Variants in PHEX observed in about 807,000 individuals in gnomAD.
PHEX encodes the protein phosphate-regulating neutral endopeptidase PHEX.
In PHEX, 16 loss-of-function variants were observed where a neutral mutation model predicts 68.0. The observed-to-expected ratio is 0.24, with a 90% CI of 0.16 to 0.36. The LOEUF (loss-of-function observed/expected upper bound fraction) is 0.36, where lower values mean the gene tolerates loss of function less well. Ranked by LOEUF, PHEX falls within the 10% of genes least tolerant of loss-of-function variation. The pLI, the probability that PHEX is intolerant of heterozygous loss-of-function variation, is 1.00. For synonymous variants in PHEX, 208 were observed against 205.1 expected (o/e 1.01, Z -0.12); for missense variants, 480 against 575.5 (o/e 0.83, Z 1.70).
At chrX:22,128,601 T>C (rs1405548919) in intron 11 of PHEX, among the ~76,000 whole-genome samples, 2 of 111,666 alleles carry the variant, frequency 1.8e-5, no homozygotes, top group African/African-American at 6.5e-5. Context: ...TTGCTGAAGA[T>C]CTTTTTAGCT....
chrX:22,146,938 A>T (rs1218947526), intron 12 of PHEX, among the ~76,000 whole-genome samples: 1 of 112,120 alleles, frequency 8.9e-6, no homozygotes, highest in Non-Finnish European at 1.9e-5. Context: ...TAGTTTAAAC[A>T]TGTACTGTAA....
At chrX:22,190,584 A>T (rs187525691) in intron 15 of PHEX, 82 bp downstream of exon 15, 23 of 667,742 alleles carry the variant, frequency 3.4e-5, no homozygotes, top group Admixed American at 1.8e-4. Context: ...AGGGTAAGAC[A>T]TTTCTTATTT....
intron 3 of PHEX, among the ~76,000 whole-genome samples, chrX:22,058,603 C>T (rs1234573740): frequency 4.5e-5 from 5 of 112,096 alleles, no homozygotes; most frequent in African/African-American, 1.6e-4. Flanking sequence ...CTTGCATTGC[C>T]AGACCTTGGT....
At position 22,248,873 on chromosome X, in the gene PHEX, A is replaced by C. The variant is rs192770679; in HGVS notation, c.*920A>C. 1 of 111,564 alleles carries C rather than the reference A, an allele frequency of 9.0e-6. No homozygotes were observed. Among genetic ancestry groups the C allele is most frequent in the African/African-American group, 3.3e-5 (1 of 30,720 alleles). The allele number at this position is 111,564 out of a possible 1,213,427, so 9.2% of individuals were successfully genotyped here. Reference sequence around the variant, plus strand: ...GCATTGTACTGGTTTTGAAATGAGCAGACATTGAGAAAACAATTTTCTGAT... The same window carrying C: ...GCATTGTACTGGTTTTGAAATGAGCCGACATTGAGAAAACAATTTTCTGAT... On this transcript the variant is annotated 3_prime_UTR_variant, in exon 22 of 22. Transcript: ENST00000379374.
Position 22,077,672 on chromosome X carries a change from T to C in PHEX, c.633T>C (p.Asp211=), listed in dbSNP as rs372618065. 1.7e-6 allele frequency: 2 copies of C among 1,205,608 alleles called. No individual in the cohort carries two copies. The highest frequency in any genetic ancestry group is 2.3e-4 in the Middle Eastern group (1 of 4,336). ...TCATCCGTTTGTATGTGTCCCCTGA[T>C]GACAAAGCATCCAATGAACATATCT... is the stretch of plus-strand genomic sequence containing the variant. The part of the protein sequence containing the change: ...SVFIRLYVSP[D]DKASNEHILK... The change falls in exon 5 of 22, where the codon GAT becomes GAC. Residue 211 remains aspartate (D), a synonymous_variant. Transcript: ENST00000379374.
intron 5 of PHEX, among the ~76,000 whole-genome samples, chrX:22,087,700 C>G (rs2147032485): frequency 9.0e-6 from 1 of 111,518 alleles, no homozygotes; most frequent in East Asian, 2.8e-4. Context: ...ATGTAGGATT[C>G]AGTTTTTATT....
intron 11 of PHEX, among the ~76,000 whole-genome samples, chrX:22,131,253 C>A (rs1042958667): frequency 6.3e-5 from 7 of 110,815 alleles, no homozygotes; most frequent in Non-Finnish European, 1.1e-4. Flanking sequence ...GTTGGCCAGG[C>A]TGGTCTCGAA....
chrX:22,154,727 A>G lies in PHEX; in HGVS notation c.1405-13585A>G, dbSNP rs755904631. Among the ~76,000 whole-genome samples the G allele has an allele frequency of 2.7e-5, 3 of 111,858 alleles. No individual in the cohort carries two copies. In the South Asian group the frequency reaches 1.1e-3, roughly 43 times the overall value. On this transcript the variant is annotated intron_variant, in intron 12 of 21. Transcript: ENST00000379374. ...AGAAGCATTCTAACTCAAGAGATGT[A>G]GCATTGTCCCACAAATTTGTGTTTT...
At chrX:22,231,959 G>A (rs1387296297) in intron 20 of PHEX, among the ~76,000 whole-genome samples, 1 of 111,446 alleles carries the variant, frequency 9.0e-6, no homozygotes, top group Non-Finnish European at 1.9e-5. Flanking sequence ...AGAGATTCTG[G>A]TACATTGTGT....
At chrX:22,200,411 C>G (rs1200698822) in intron 15 of PHEX, among the ~76,000 whole-genome samples, 1 of 111,141 alleles carries the variant, frequency 9.0e-6, no homozygotes, top group East Asian at 2.8e-4. Flanking sequence ...GAGTTTAAGA[C>G]CAGCCTGGCC....
chrX:22,181,462 A>C (rs773821440), intron 14 of PHEX, among the ~76,000 whole-genome samples: 1 of 111,982 alleles, frequency 8.9e-6, no homozygotes, highest in East Asian at 2.8e-4. Context: ...TGCCAATATC[A>C]TGCCATTTTG....
intron 12 of PHEX, among the ~76,000 whole-genome samples, chrX:22,140,483 A>C (rs907869606): frequency 9.1e-6 from 1 of 110,423 alleles, no homozygotes; most frequent in Non-Finnish European, 1.9e-5. Flanking sequence ...ATTTTATTTT[A>C]TTTATTTATT....
intron 14 of PHEX, among the ~76,000 whole-genome samples, chrX:22,179,057 C>T (rs1468695050): frequency 8.9e-6 from 1 of 111,795 alleles, no homozygotes; most frequent in Non-Finnish European, 1.9e-5. Context: ...TATCCTCATA[C>T]GAATTCTGTG....
At chrX:22,069,408 C>A (rs1191669210) in intron 3 of PHEX, among the ~76,000 whole-genome samples, 1 of 111,471 alleles carries the variant, frequency 9.0e-6, no homozygotes, top group African/African-American at 3.3e-5. Context: ...CTTATAAATT[C>A]ACTTATAAGT....
chrX:22,052,349 T>A (rs749672838), intron 3 of PHEX, among the ~76,000 whole-genome samples: 4 of 111,761 alleles, frequency 3.6e-5, no homozygotes, highest in Admixed American at 9.6e-5. Context: ...TGCCTCAGCC[T>A]CCCAAGTAGC....
intron 12 of PHEX, among the ~76,000 whole-genome samples, chrX:22,155,385 G>A (rs1045312827): frequency 2.1e-4 from 24 of 112,144 alleles, no homozygotes; most frequent in African/African-American, 7.1e-4. Flanking sequence ...TGAGACAAGG[G>A]GATATGTTTA....
chrX:22,034,509 G>A (rs1278108532), intron 1 of PHEX, among the ~76,000 whole-genome samples: 1 of 112,282 alleles, frequency 8.9e-6, no homozygotes, highest in Admixed American at 9.5e-5. Flanking sequence ...AGGAAATAGT[G>A]CCGATGTTTT....
In PHEX at chrX:22,216,520, T is replaced by A. The variant is rs960716307; in HGVS notation, c.1701-2516T>A. On this transcript the variant is annotated intron_variant, in intron 16 of 21. Coordinates refer to ENST00000379374, the MANE Select transcript of PHEX (RefSeq NM_000444.6). ...ATTTATTTATTTATTTATTTATTTA[T>A]TTATTTATTTATTTATGAGACAGAG... Among the ~76,000 whole-genome samples, 3 of 108,195 alleles carry A rather than the reference T, an allele frequency of 2.8e-5. No homozygotes were observed. In the Admixed American group the frequency reaches 3.0e-4, roughly 11 times the overall value. 94.0% of individuals were successfully genotyped at this position (108,195 alleles called of 115,157 possible). A position where few individuals can be genotyped will look rare whatever the true frequency, so the allele number is the denominator to read the frequency against.
intron 15 of PHEX, among the ~76,000 whole-genome samples, chrX:22,208,717 A>T (rs1265924166): frequency 8.9e-6 from 1 of 112,104 alleles, no homozygotes; most frequent in African/African-American, 3.2e-5. Flanking sequence ...CCTCTGGTGA[A>T]TCTGATGCAT....
Sources: allele counts gnomAD v4.1 joint callset (sites outside exome capture counted in the v4.1 genomes callset), GRCh38; gene constraint gnomAD v4.1.1; transcripts MANE v1.5; gene names NCBI Gene and HGNC (gene_info 2026-07-23, HGNC 2026-07-21).